Variants in MKLN1 observed in about 807,000 individuals in gnomAD.
MKLN1 encodes muskelin 1.
Under a neutral mutation model 99.0 loss-of-function variants are expected in MKLN1, and 18 were observed. The ratio of observed to expected loss-of-function variants is 0.18; its 90% CI spans 0.13 to 0.27. MKLN1 has a LOEUF of 0.27. Ranked by LOEUF, MKLN1 falls within the 10% of genes least tolerant of loss-of-function variation. The pLI is 1.00. For missense variants in MKLN1, 621 were observed against 875.9 expected (o/e 0.71, Z 3.67); for synonymous variants, 288 against 293.2 (o/e 0.98, Z 0.18).
chr7:131,271,718 G>C (rs1368692335), intron 3 of MKLN1, among the ~76,000 whole-genome samples: 7 of 151,902 alleles, frequency 4.6e-5, no homozygotes, highest in African/African-American at 7.2e-5. Flanking sequence ...AGACCAGCTT[G>C]GTCAACATGG....
intron 1 of MKLN1, among the ~76,000 whole-genome samples, chr7:131,359,740 T>C (rs1280263899): frequency 1.3e-5 from 2 of 152,026 alleles, no homozygotes; most frequent in African/African-American, 4.8e-5. Flanking sequence ...TTTATTTTTT[T>C]TTTTATTTTT....
intron 1 of MKLN1, among the ~76,000 whole-genome samples, chr7:131,356,857 C>T (rs1401798752): frequency 7.9e-5 from 12 of 152,108 alleles, no homozygotes; most frequent in Non-Finnish European, 1.8e-4. Context: ...TTCTTGCCTC[C>T]TCAGGAGAAT....
chr7:131,165,339 C>G (rs183491399), intron 2 of MKLN1, among the ~76,000 whole-genome samples: 2 of 152,122 alleles, frequency 1.3e-5, no homozygotes, highest in African/African-American at 2.4e-5. Context: ...GCACGCGATA[C>G]CATGCCTGGC....
chr7:131,129,572 C>CATTTATT (rs1401085143), intron 1 of MKLN1, among the ~76,000 whole-genome samples: 3 of 151,950 alleles, frequency 2.0e-5, no homozygotes, highest in African/African-American at 7.3e-5. Context: ...AAAAGTTGGT[C>CATTTATT]ATTTATTATT....
intron 8 of MKLN1, among the ~76,000 whole-genome samples, chr7:131,424,127 T>A (rs1209145577): frequency 6.6e-6 from 1 of 152,226 alleles, no homozygotes; most frequent in African/African-American, 2.4e-5. Flanking sequence ...TAAGTCTTAC[T>A]GAACTTCACT....
chr7:131,433,192 T>A (rs1795577406), intron 9 of MKLN1, among the ~76,000 whole-genome samples: 1 of 152,216 alleles, frequency 6.6e-6, no homozygotes, highest in Admixed American at 6.5e-5. Flanking sequence ...TTTCTTTGTC[T>A]TTCTTGACTT....
chr7:131,271,698 C>T (rs1040220917), intron 3 of MKLN1, among the ~76,000 whole-genome samples: 2 of 151,632 alleles, frequency 1.3e-5, no homozygotes, highest in African/African-American at 4.8e-5. Context: ...TGACGCAGGT[C>T]AGGAGTTTGA....
chr7:131,143,511 A>C (rs1795771100), intron 2 of MKLN1, among the ~76,000 whole-genome samples: 1 of 151,990 alleles, frequency 6.6e-6, no homozygotes, highest in Non-Finnish European at 1.5e-5. Context: ...GATATTTTCT[A>C]AAGTGACTTC....
chr7:131,317,132 C>G (rs922095706), intron 3 of MKLN1, among the ~76,000 whole-genome samples: 1 of 152,120 alleles, frequency 6.6e-6, no homozygotes, highest in Non-Finnish European at 1.5e-5. Context: ...TTGAGAAGAT[C>G]AACCCCAAGA....
At chr7:131,316,150 G>C (rs759916219) in intron 3 of MKLN1, among the ~76,000 whole-genome samples, 1 of 152,206 alleles carries the variant, frequency 6.6e-6, no homozygotes, top group Non-Finnish European at 1.5e-5. Flanking sequence ...CCTCCCAACA[G>C]GGCTTGACAG....
At chr7:131,396,907 T>C (rs1794378358) in intron 4 of MKLN1, among the ~76,000 whole-genome samples, 1 of 152,252 alleles carries the variant, frequency 6.6e-6, no homozygotes, top group African/African-American at 2.4e-5. Context: ...ATAAATAATT[T>C]CAGTCTCTTT....
intron 2 of MKLN1, among the ~76,000 whole-genome samples, chr7:131,193,457 C>T (rs1796596330): frequency 1.3e-5 from 2 of 152,238 alleles, no homozygotes; most frequent in South Asian, 2.1e-4. Context: ...CCTCTGCCTC[C>T]TGGGTTCAAG....
At chr7:131,406,894 A>G (rs1034102186) in intron 6 of MKLN1, among the ~76,000 whole-genome samples, 1 of 152,028 alleles carries the variant, frequency 6.6e-6, no homozygotes, top group Non-Finnish European at 1.5e-5. Context: ...TGACTGTTTA[A>G]ATATTTTATA....
intron 8 of MKLN1, among the ~76,000 whole-genome samples, chr7:131,424,294 C>G (rs1355170108): frequency 6.6e-6 from 1 of 151,802 alleles, no homozygotes; most frequent in Non-Finnish European, 1.5e-5. Flanking sequence ...TAACCCTTCC[C>G]CTGCCTCTTC....
At chr7:131,309,080 G>A (rs1168755041) in intron 3 of MKLN1, among the ~76,000 whole-genome samples, 2 of 152,176 alleles carry the variant, frequency 1.3e-5, no homozygotes, top group African/African-American at 4.8e-5. Flanking sequence ...TCTTCGAATT[G>A]CAAGGGAACT....
intron 12 of MKLN1, among the ~76,000 whole-genome samples, chr7:131,456,506 G>A (rs924551379): frequency 6.6e-6 from 1 of 152,086 alleles, no homozygotes; most frequent in Admixed American, 6.6e-5. Flanking sequence ...AACTAGCAGC[G>A]GTAGCCTAGC....
chr7:131,131,473 T>C (rs1795550601), intron 1 of MKLN1, among the ~76,000 whole-genome samples: 1 of 152,194 alleles, frequency 6.6e-6, no homozygotes, highest in Non-Finnish European at 1.5e-5. Flanking sequence ...CAAGGTTCTA[T>C]GCAAAAACGC....
At chr7:131,376,607 A>C (rs963486347) in intron 2 of MKLN1, among the ~76,000 whole-genome samples, 3 of 149,794 alleles carry the variant, frequency 2.0e-5, no homozygotes, top group South Asian at 2.1e-4. Context: ...GCACAACTGC[A>C]CTCTAGCCTG....
chr7:131,417,208 A>T (rs146473813), intron 8 of MKLN1, among the ~76,000 whole-genome samples: 1 of 152,164 alleles, frequency 6.6e-6, no homozygotes, highest in African/African-American at 2.4e-5. Context: ...CCACACTTCA[A>T]TATTGACACT....
Sources: allele counts gnomAD v4.1 joint callset (sites outside exome capture counted in the v4.1 genomes callset), GRCh38; gene constraint gnomAD v4.1.1; transcripts MANE v1.5; gene names NCBI Gene and HGNC (gene_info 2026-07-23, HGNC 2026-07-21).